The following ADAM28 variants were observed in gnomAD, a reference collection of about 807,000 sequenced individuals.
The protein encoded by ADAM28 is disintegrin and metalloproteinase domain-containing protein 28.
ADAM28 carries 105 observed loss-of-function variants against 101.2 expected under a neutral mutation model. That is an observed-to-expected ratio of 1.04 (90% CI 0.89 to 1.22). The LOEUF (loss-of-function observed/expected upper bound fraction) is 1.22, where lower values mean the gene tolerates loss of function less well. Among genes scored for constraint, ADAM28 ranks in the 50% most tolerant of loss-of-function variants. ADAM28 has a pLI of 0.00. For missense variants in ADAM28, 1,028 were observed against 945.4 expected (o/e 1.09, Z -1.15); for synonymous variants, 322 against 310.6 (o/e 1.04, Z -0.39).
intron 10 of ADAM28, among the ~76,000 whole-genome samples, chr8:24,329,023 T>C (rs1234506549): frequency 1.3e-5 from 2 of 151,972 alleles, no homozygotes; most frequent in Admixed American, 6.6e-5. Flanking sequence ...AGGAAAACCA[T>C]TATTTAAAGA....
chr8:24,317,513 T>C (rs886549733), intron 6 of ADAM28, among the ~76,000 whole-genome samples: 2 of 152,008 alleles, frequency 1.3e-5, no homozygotes, highest in Admixed American at 6.6e-5. Flanking sequence ...CCTTTTCTTA[T>C]ACCATAACTA....
chr8:24,342,940 G>A (rs1814963249), intron 16 of ADAM28, 161 bp from the exon 17 acceptor site: 32 of 1,346,740 alleles, frequency 2.4e-5, no homozygotes, highest in Non-Finnish European at 3.1e-5. Context: ...TAACTAAGAG[G>A]ATAATGTAAG....
At chr8:24,337,499 T>C (rs1026889563) in intron 14 of ADAM28, among the ~76,000 whole-genome samples, 1 of 152,244 alleles carries the variant, frequency 6.6e-6, no homozygotes, top group Middle Eastern at 3.2e-3. Context: ...ATTGTCTACA[T>C]TGTTCACAGT....
At chr8:24,300,130 C>T in intron 2 of ADAM28, 53 bp downstream of exon 2, 1 of 1,329,704 alleles carries the variant, frequency 7.5e-7, no homozygotes, top group Non-Finnish European at 1.1e-6. Flanking sequence ...TATATACACA[C>T]ATATATATAT....
chr8:24,305,346 G>GTGTTCAC (rs1183539228), intron 2 of ADAM28, among the ~76,000 whole-genome samples: 5 of 150,308 alleles, frequency 3.3e-5, no homozygotes, highest in Non-Finnish European at 5.9e-5. Flanking sequence ...GAGCGATGGT[G>GTGTTCAC]TGTTCACAAG....
At position 24,311,403 on chromosome 8, in the gene ADAM28, T is replaced by G. The variant is rs749681857; in HGVS notation, c.349T>G (p.Ser117Ala). The change falls in exon 5 of 23, where the codon TCT (serine) becomes GCT (alanine). Residue 117 changes from serine to alanine, a missense_variant. Transcript: ENST00000265769. ...AGGACATATTCTTAATGAAAAGGTT[T>G]CTGACGCTAGCATCAGCACATGTAG... ...YQGHILNEKV[S>A]DASISTCRGL... is the part of the protein sequence containing the mutation. The G allele has an allele frequency of 1.2e-6, 2 of 1,613,172 alleles. No homozygotes were observed. Among genetic ancestry groups the G allele is most frequent in the African/African-American group, 2.7e-5 (2 of 74,882 alleles).
Position 24,304,046 on chromosome 8 carries a change from C to T in ADAM28, c.150+3969C>T, listed in dbSNP as rs562468592. 4.0e-5 allele frequency among the ~76,000 whole-genome samples: 6 copies of T among 151,898 alleles called. No homozygotes were observed. In the East Asian group the frequency reaches 1.2e-3, roughly 29 times the overall value. On this transcript the variant is annotated intron_variant, in intron 2 of 22. Transcript: ENST00000265769. ...AACCCAACATTTACACACACACACA[C>T]ATGCACGTGCACACCAAACACCCTT... is the stretch of plus-strand genomic sequence containing the variant.
chr8:24,322,941 C>G (rs1812073687), intron 8 of ADAM28, among the ~76,000 whole-genome samples: 1 of 151,818 alleles, frequency 6.6e-6, no homozygotes, highest in Non-Finnish European at 1.5e-5. Flanking sequence ...GTCATTATTT[C>G]TAAAGTTTAT....
rs1563270503 is a variant in ADAM28 at position 24,306,363 on chromosome 8, A to ATATATATATATATATATATTTAAAAAAAT, written c.151-3531_151-3530insTATATATATATATATATATTTAAAAAAAT. ...CATCTCAAATACAAATAAATAAATA[A>ATATATATATATATATATATTTAAAAAAAT]ATATATATATATATATATATATTTA... On this transcript the variant is annotated intron_variant, in intron 2 of 22. Coordinates refer to ENST00000265769, the MANE Select transcript of ADAM28 (RefSeq NM_014265.6). Among the ~76,000 whole-genome samples the ATATATATATATATATATATTTAAAAAAAT allele has an allele frequency of 2.7e-3, 292 of 108,426 alleles. 17 individuals carry two copies. The highest frequency in any genetic ancestry group is 0.01 in the African/African-American group (274 of 26,598). 71.1% of individuals were successfully genotyped at this position (108,426 alleles called of 152,430 possible). A position where few individuals can be genotyped will look rare whatever the true frequency, so the allele number is the denominator to read the frequency against.
At position 24,329,920 on chromosome 8, in the gene ADAM28, C is replaced by A. The variant is rs1239133843; in HGVS notation, c.973-65C>A. 1.2e-5 allele frequency: 17 copies of A among 1,475,798 alleles called. No individual in the cohort carries two copies. The East Asian group carries it at 3.5e-4, about 30-fold the overall frequency. The allele number at this position is 1,475,798 out of a possible 1,614,324, so 91.4% of individuals were successfully genotyped here. A position where few individuals can be genotyped will look rare whatever the true frequency, so the allele number is the denominator to read the frequency against. The stretch of plus-strand genomic sequence containing the variant: ...GAGAGAGAGAGAGAGAGAGAGATGG[C>A]AAGTAGAGTGATGTATAATTTCATT... On this transcript the variant is annotated intron_variant, in intron 10 of 22. Transcript: ENST00000265769.
rs1808961091 is a variant in ADAM28, at chr8:24,302,728, A to AG, written c.150+2651_150+2652insG. Among the ~76,000 whole-genome samples, 3 of 152,122 alleles carry AG rather than the reference A, an allele frequency of 2.0e-5. No individual in the cohort carries two copies. In the South Asian group the frequency reaches 6.2e-4, roughly 32 times the overall value. ...TTTTTTCATGTTTGTTGGCTGCATG[A>AG]ATGTCTTCTTTTGAGAAGTGTCTGT... On this transcript the variant is annotated intron_variant, in intron 2 of 22. Coordinates refer to ENST00000265769, the MANE Select transcript of ADAM28 (RefSeq NM_014265.6).
intron 6 of ADAM28, among the ~76,000 whole-genome samples, chr8:24,315,254 G>C (rs1401479377): frequency 6.6e-6 from 1 of 151,772 alleles, no homozygotes; most frequent in African/African-American, 2.4e-5. Context: ...CATGCAAATG[G>C]TAACAAAATA....
intron 18 of ADAM28, among the ~76,000 whole-genome samples, chr8:24,346,372 G>A (rs949604642): frequency 6.6e-6 from 1 of 151,944 alleles, no homozygotes; most frequent in Non-Finnish European, 1.5e-5. Context: ...CTGACCTACT[G>A]TTAGAACTGA....
intron 18 of ADAM28, among the ~76,000 whole-genome samples, chr8:24,344,824 C>A (rs546651174): frequency 1.3e-5 from 2 of 152,188 alleles, no homozygotes; most frequent in East Asian, 3.9e-4. Context: ...ACCTCTATGA[C>A]TAATTTCTTC....
intron 2 of ADAM28, among the ~76,000 whole-genome samples, chr8:24,307,922 A>G (rs1424253605): frequency 6.6e-6 from 1 of 152,164 alleles, no homozygotes; most frequent in Admixed American, 6.5e-5. Context: ...GTTTTGAACA[A>G]CTGTTGTATT....
At chr8:24,319,501 T>C (rs1199426102) in intron 6 of ADAM28, among the ~76,000 whole-genome samples, 2 of 151,982 alleles carry the variant, frequency 1.3e-5, no homozygotes, top group African/African-American at 4.8e-5. Flanking sequence ...AGTACATGTC[T>C]CATCAGATAA....
intron 7 of ADAM28, 27 bp downstream of exon 7, chr8:24,320,334 C>CT (rs1195271420): frequency 7.1e-7 from 1 of 1,415,494 alleles, no homozygotes; most frequent in African/African-American, 1.4e-5. Flanking sequence ...AATGTGCTGT[C>CT]TTCCAAAACT....
In ADAM28 at chr8:24,354,322, A is replaced by G. The variant is rs188797201; in HGVS notation, c.2308-62A>G. Reference sequence around the variant, plus strand: ...TTTAATTTCTTCATAGTTCAGCTTCATAATAGTAAATATCTAAATTTTTGA... The same window carrying G: ...TTTAATTTCTTCATAGTTCAGCTTCGTAATAGTAAATATCTAAATTTTTGA... On this transcript the variant is annotated intron_variant, in intron 22 of 22. Coordinates refer to ENST00000265769, the MANE Select transcript of ADAM28 (RefSeq NM_014265.6). 3.8e-4 allele frequency: 521 copies of G among 1,379,808 alleles called. 2 individuals carry two copies. The highest frequency in any genetic ancestry group is 1.5e-4 in the East Asian group (6 of 40,142). 85.5% of individuals were successfully genotyped at this position (1,379,808 alleles called of 1,614,324 possible).
At chr8:24,314,131 G>C (rs76260784) in intron 6 of ADAM28, among the ~76,000 whole-genome samples, 2,845 of 152,212 alleles carry the variant, frequency 0.019, 94 homozygotes, top group African/African-American at 0.064. Flanking sequence ...CTAGAAGCAG[G>C]AATCTGTCAC....
Sources: gnomAD v4.1 joint callset for allele counts (sites outside exome capture counted in the v4.1 genomes callset) on GRCh38, gnomAD v4.1.1 for gene constraint, MANE v1.5 for transcripts, NCBI Gene and HGNC (gene_info 2026-07-23, HGNC 2026-07-21) for gene names.